The following LDAH variants were observed in gnomAD, a reference collection of about 807,000 sequenced individuals.
The protein encoded by LDAH is lipid droplet-associated hydrolase.
Under a neutral mutation model 29.6 loss-of-function variants are expected in LDAH, and 26 were observed. That is an observed-to-expected ratio of 0.88 (90% CI 0.64 to 1.22). The LOEUF is 1.22. Among genes scored for constraint, LDAH ranks in the 50% most tolerant of loss-of-function variants. LDAH has a pLI of 0.00. For missense variants in LDAH, 344 were observed against 387.3 expected, an observed-to-expected ratio of 0.89 and a Z score of 0.94; for synonymous variants, 117 against 133.0, an observed-to-expected ratio of 0.88 and a Z score of 0.83.
rs576738218 is a variant in LDAH, at chr2:20,786,981, T to C, written c.298+3274A>G. On this transcript the variant is annotated intron_variant, in intron 3 of 6. Coordinates refer to ENST00000237822, the MANE Select transcript of LDAH (RefSeq NM_021925.4). ...AAACCATAGAGGACATTTCTCAAAT[T>C]TTCACAAAAGTACCTGATAAGGTTC... Among the ~76,000 whole-genome samples, 147 of 152,314 alleles carry C rather than the reference T, an allele frequency of 9.7e-4. 2 individuals carry two copies. Among genetic ancestry groups the C allele is most frequent in the African/African-American group, 3.4e-3 (142 of 41,562 alleles).
At chr2:20,775,028 GA>G (rs1478876021) in intron 3 of LDAH, 49 bp from the exon 4 acceptor site, 5 of 1,466,508 alleles carry the variant, frequency 3.4e-6, no homozygotes, top group South Asian at 1.3e-5. Flanking sequence ...AGTAATCACT[GA>G]AAAAAGATCA....
At chr2:20,725,409 C>T (rs1665943619) in intron 5 of LDAH, among the ~76,000 whole-genome samples, 1 of 152,170 alleles carries the variant, frequency 6.6e-6, no homozygotes, top group Admixed American at 6.5e-5. Context: ...AAACGGTAGA[C>T]CTCACTGTGA....
At chr2:20,805,725 G>GT (rs1348922788) in intron 1 of LDAH, among the ~76,000 whole-genome samples, 18 of 152,008 alleles carry the variant, frequency 1.2e-4, no homozygotes, top group Non-Finnish European at 1.0e-4. Context: ...TAGTAAGAGG[G>GT]TTTTTTCCAA....
intron 2 of LDAH, among the ~76,000 whole-genome samples, chr2:20,798,659 T>C (rs984298831): frequency 6.6e-6 from 1 of 151,018 alleles, no homozygotes; most frequent in Non-Finnish European, 1.5e-5. Context: ...AACTGAAATA[T>C]TCCCATACTA....
intron 4 of LDAH, among the ~76,000 whole-genome samples, chr2:20,751,299 T>C (rs1176261185): frequency 2.6e-5 from 4 of 152,202 alleles, no homozygotes; most frequent in Admixed American, 6.5e-5. Flanking sequence ...TAGTTTCCAC[T>C]AGTAAAATAT....
Position 20,685,629 on chromosome 2 carries a change from G to C in LDAH, c.*1274C>G, listed in dbSNP as rs1662505838. 1.3e-6 allele frequency: 2 copies of C among 1,550,406 alleles called. No individual in the cohort carries two copies. The highest frequency in any genetic ancestry group is 1.4e-5 in the African/African-American group (1 of 73,164). ...GCGGAGGGACATCTCATTGTCCTTA[G>C]GGAATGATAATGCCATGAGGGATTT... On this transcript the variant is annotated 3_prime_UTR_variant, in exon 7 of 7. Coordinates refer to ENST00000237822, the MANE Select transcript of LDAH (RefSeq NM_021925.4).
At chr2:20,683,387 A>G (rs1662367550), downstream of LDAH, among the ~76,000 whole-genome samples, 1 of 152,210 alleles carries the variant, frequency 6.6e-6, no homozygotes, top group South Asian at 2.1e-4. Flanking sequence ...CACAGAGCAC[A>G]CTCAGTCCCA....
intron 4 of LDAH, among the ~76,000 whole-genome samples, chr2:20,765,468 C>G (rs905588071): frequency 1.2e-4 from 18 of 152,138 alleles, no homozygotes; most frequent in Non-Finnish European, 1.8e-4. Context: ...TACATTCAAC[C>G]CTGTTACCTT....
chr2:20,786,391 C>T lies in LDAH; in HGVS notation c.298+3864G>A, dbSNP rs545356045. On this transcript the variant is annotated intron_variant, in intron 3 of 6. Transcript: ENST00000237822. ...TTTTAGTAGAGATGGGGTTTCATCA[C>T]GTTGGCCAGGCTGGTCAAGCACTCC... 3.5e-4 allele frequency among the ~76,000 whole-genome samples: 53 copies of T among 152,066 alleles called. 2 individuals carry two copies. The South Asian group carries it at 0.011, about 30-fold the overall frequency.
At chr2:20,718,006 C>T (rs946979593) in intron 5 of LDAH, among the ~76,000 whole-genome samples, 4 of 152,006 alleles carry the variant, frequency 2.6e-5, no homozygotes, top group Non-Finnish European at 5.9e-5. Flanking sequence ...ACTATAGTAA[C>T]CCAAAGCAAA....
intron 5 of LDAH, among the ~76,000 whole-genome samples, 156 bp downstream of exon 5, chr2:20,739,815 T>C (rs930928722): frequency 7.2e-5 from 11 of 152,228 alleles, no homozygotes; most frequent in Non-Finnish European, 4.4e-5. Context: ...ATTCATTCTA[T>C]TTCTAATTTT....
intron 4 of LDAH, among the ~76,000 whole-genome samples, chr2:20,764,391 A>C (rs948921152): frequency 5.3e-5 from 8 of 152,230 alleles, no homozygotes; most frequent in Admixed American, 4.6e-4. Context: ...TGGGTCACAT[A>C]GAGGTAACTG....
At chr2:20,732,446 T>C (rs914557682) in intron 5 of LDAH, among the ~76,000 whole-genome samples, 2 of 152,256 alleles carry the variant, frequency 1.3e-5, no homozygotes, top group East Asian at 1.9e-4. Flanking sequence ...ATTTAAAAAA[T>C]AGGTAGAATT....
chr2:20,737,631 CCA>C lies in LDAH; in HGVS notation c.703+2338_703+2339del, dbSNP rs911401167. Among the ~76,000 whole-genome samples, 8 of 152,096 alleles carry C rather than the reference CCA, an allele frequency of 5.3e-5. No homozygotes were observed. The South Asian group carries it at 6.2e-4, about 12-fold the overall frequency. On this transcript the variant is annotated intron_variant, in intron 5 of 6. Coordinates refer to ENST00000237822, the MANE Select transcript of LDAH (RefSeq NM_021925.4). ...ACGAGGGGAAGTAACTAAACAAAAG[CCA>C]CAGAGTGACTCTAGGGCAGAACCAA...
chr2:20,776,045 T>C (rs1439838920), intron 3 of LDAH, among the ~76,000 whole-genome samples: 1 of 152,164 alleles, frequency 6.6e-6, no homozygotes, highest in Non-Finnish European at 1.5e-5. Context: ...TATAACCCAA[T>C]GACAGGGTGT....
rs1005876061 is a variant in LDAH, at chr2:20,684,663, A to G, written c.*2240T>C. The G allele has an allele frequency of 1.8e-4, 81 of 445,526 alleles. 1 individual carries two copies. The Middle Eastern group carries it at 2.0e-3, about 11-fold the overall frequency. The allele number at this position is 445,526 out of a possible 1,614,324, so 27.6% of individuals were successfully genotyped here. Reference sequence around the variant, plus strand: ...TTGGTGGCCATGGACATCAGGCCACACAAGCCACAGAGGGCTTGTGGAGAT... The same window carrying G: ...TTGGTGGCCATGGACATCAGGCCACGCAAGCCACAGAGGGCTTGTGGAGAT... On this transcript the variant is annotated 3_prime_UTR_variant, in exon 7 of 7. Transcript: ENST00000237822.
chr2:20,737,415 T>A (rs569989367), intron 5 of LDAH, among the ~76,000 whole-genome samples: 2 of 151,854 alleles, frequency 1.3e-5, no homozygotes, highest in African/African-American at 2.4e-5. Flanking sequence ...AAAAAGAAAA[T>A]GACAAAAAGC....
chr2:20,710,533 C>T (rs1664637643), intron 5 of LDAH, among the ~76,000 whole-genome samples: 1 of 149,986 alleles, frequency 6.7e-6, no homozygotes, highest in Non-Finnish European at 1.5e-5. Context: ...TACATAAACT[C>T]TTCCCAGAAA....
At chr2:20,724,626 G>A (rs1665889655) in intron 5 of LDAH, among the ~76,000 whole-genome samples, 1 of 152,216 alleles carries the variant, frequency 6.6e-6, no homozygotes, top group East Asian at 1.9e-4. Flanking sequence ...GTATAAAAGT[G>A]AGATGAATAA....
Sources: allele counts gnomAD v4.1 joint callset (sites outside exome capture counted in the v4.1 genomes callset), GRCh38; gene constraint gnomAD v4.1.1; transcripts MANE v1.5; gene names NCBI Gene and HGNC (gene_info 2026-07-23, HGNC 2026-07-21).